Variants in ANKS1A observed in about 807,000 individuals in gnomAD.
ANKS1A encodes the protein ankyrin repeat and SAM domain-containing protein 1A.
In ANKS1A, 55 loss-of-function variants were observed where a neutral mutation model predicts 120.3. The observed-to-expected ratio is 0.46, with a 90% confidence interval of 0.37 to 0.57. The LOEUF (loss-of-function observed/expected upper bound fraction) is 0.57. Ranked by LOEUF, ANKS1A falls within the 20% of genes least tolerant of loss-of-function variation. The pLI is 0.00. For synonymous variants in ANKS1A, 590 were observed against 604.7 expected, an observed-to-expected ratio of 0.98 and a Z score of 0.36; for missense variants, 1,123 against 1,480.3, an observed-to-expected ratio of 0.76 and a Z score of 3.96.
the ANKS1A span, among the ~76,000 whole-genome samples, chr6:35,097,274 C>T: frequency 5.4e-4 from 82 of 152,214 alleles, no homozygotes; most frequent in African/African-American, 1.8e-3. Flanking sequence ...TTTGGGAGGC[C>T]GAGGCAGACA....
chr6:35,041,081 TG>T (rs1775432547), intron 11 of ANKS1A, among the ~76,000 whole-genome samples: 1 of 152,162 alleles, frequency 6.6e-6, no homozygotes, highest in African/African-American at 2.4e-5. Context: ...TAGCCAACAA[TG>T]GGGATGTTAT....
intron 1 of ANKS1A, among the ~76,000 whole-genome samples, chr6:34,933,462 C>T (rs1024793672): frequency 6.6e-5 from 10 of 152,206 alleles, no homozygotes; most frequent in Non-Finnish European, 2.9e-5. Flanking sequence ...CCACCGCCTC[C>T]TGGATTCAAG....
At chr6:35,013,803 T>C (rs763527237) in intron 10 of ANKS1A, among the ~76,000 whole-genome samples, 6 of 152,216 alleles carry the variant, frequency 3.9e-5, no homozygotes, top group Admixed American at 3.3e-4. Flanking sequence ...GTGCTTTATA[T>C]CTTACAGAGT....
intron 1 of ANKS1A, among the ~76,000 whole-genome samples, chr6:34,948,195 C>A (rs1229391925): frequency 6.6e-6 from 1 of 150,916 alleles, no homozygotes; most frequent in Non-Finnish European, 1.5e-5. Flanking sequence ...CTTTGTTCAG[C>A]CATTTTCAGT....
intron 11 of ANKS1A, chr6:35,039,718 G>A (rs1775361848): frequency 2.3e-6 from 1 of 430,770 alleles, no homozygotes; most frequent in South Asian, 1.6e-5. Context: ...TGTAGAGAAG[G>A]AAGGGTGAGA....
In ANKS1A at chr6:35,083,225, G is replaced by A; in HGVS notation, c.2906G>A (p.Arg969Gln). ...ACGCAAGACGCCTGTGCCAAGATGCGGGTAGGGTGCCTGTGTGGGCTGGAG... is the reference window on the plus strand; with the variant it reads ...ACGCAAGACGCCTGTGCCAAGATGCAGGTAGGGTGCCTGTGTGGGCTGGAG... The part of the protein sequence containing the change: ...ESTQDACAKM[R>Q]KSTEHMKKIP... Residue 969 changes from arginine (R) to glutamine (Q), a missense_variant and splice_region_variant, in exon 19 of 24, where the codon CGG becomes CAG. By Grantham distance (43) the Arg-to-Gln change is conservative. Around this residue, in one of 3 missense-constraint regions of ANKS1A, gnomAD observed 904 missense variants for 1,130.4 expected, o/e 0.80. Transcript: ENST00000360359. 5.0e-6 allele frequency: 8 copies of A among 1,614,106 alleles called. No individual in the cohort carries two copies. The highest frequency in any genetic ancestry group is 6.8e-6 in the Non-Finnish European group (8 of 1,180,024).
chr6:34,931,116 T>C (rs967225546), intron 1 of ANKS1A, among the ~76,000 whole-genome samples: 1 of 151,010 alleles, frequency 6.6e-6, no homozygotes, highest in Non-Finnish European at 1.5e-5. Flanking sequence ...CGACCTCAGG[T>C]GATCCGCCCG....
chr6:34,911,161 T>G (rs1369023709), intron 1 of ANKS1A, among the ~76,000 whole-genome samples: 1 of 152,192 alleles, frequency 6.6e-6, no homozygotes, highest in Non-Finnish European at 1.5e-5. Flanking sequence ...TTTATCATGG[T>G]GAAAGCTAAG....
rs772726171 is a variant in ANKS1A at position 35,081,084 on chromosome 6, G to C, written c.2635G>C (p.Asp879His). The change falls in exon 17 of 24, where the codon GAC (aspartate) becomes CAC (histidine). Residue 879 changes from aspartate to histidine, a missense_variant. Asp to His is a moderately conservative substitution (Grantham distance 81). This residue lies in a region of ANKS1A where 904 missense variants were observed against 1,130.4 expected (regional missense o/e 0.80). Transcript: ENST00000360359. ...GGCAGATCTGCTGCTGCCTCCAGGG[G>C]ACACAGGCAGGAGGCGCCATGACAG... ...RSADLLLPPG[D>H]TGRRRHDSLH... The C allele has an allele frequency of 1.2e-6, 2 of 1,613,870 alleles. No homozygotes were observed. Among genetic ancestry groups the C allele is most frequent in the Non-Finnish European group, 1.7e-6 (2 of 1,179,974 alleles).
Position 35,082,729 on chromosome 6 carries a change from G to A in ANKS1A, c.2748G>A (p.Pro916=), listed in dbSNP as rs2177382. Residue 916 remains proline (P), a synonymous_variant, in exon 18 of 24, where the codon CCG becomes CCA. Coordinates refer to ENST00000360359, the MANE Select transcript of ANKS1A (RefSeq NM_015245.3). The surrounding 1 kb of genome is among the most constrained non-coding windows in gnomAD (Gnocchi z 4.1). ...AGGCCAAGCTGACCCTGCGGCCCCC[G>A]AGCCTGGCAGCCCCCTACGCCCCAG... The part of the protein sequence containing the change: ...HREAKLTLRP[P]SLAAPYAPVQ... The A allele has an allele frequency of 0.84, 1,357,211 of 1,613,098 alleles. 572,578 individuals are homozygous for A. Among genetic ancestry groups the A allele is most frequent in the East Asian group, 0.92 (41,124 of 44,814 alleles).
chr6:34,906,398 C>G (rs16895362), intron 1 of ANKS1A, among the ~76,000 whole-genome samples: 2 of 152,100 alleles, frequency 1.3e-5, no homozygotes, highest in Non-Finnish European at 2.9e-5. Flanking sequence ...TCTCTCTGCT[C>G]GTGAAACTTT....
chr6:34,969,302 G>A (rs1771063082), intron 2 of ANKS1A, among the ~76,000 whole-genome samples: 1 of 152,122 alleles, frequency 6.6e-6, no homozygotes, highest in Non-Finnish European at 1.5e-5. Context: ...CACCCAGGCT[G>A]GAGTGCGATG....
intron 1 of ANKS1A, among the ~76,000 whole-genome samples, chr6:34,906,084 A>G (rs1245999803): frequency 1.3e-5 from 2 of 152,046 alleles, no homozygotes; most frequent in African/African-American, 4.8e-5. Context: ...CTCAACCACC[A>G]TCTAGCCGTA....
In ANKS1A at chr6:35,044,970, A is replaced by AGGCCCAGTGTAAGTAAGGCTGGCATC. The variant is rs1775647933; in HGVS notation, c.2011-9129_2011-9128insGGCCCAGTGTAAGTAAGGCTGGCATC. ...GTGTAAGTAAGGCTGGCATCTGGTC[A>AGGCCCAGTGTAAGTAAGGCTGGCATC]AGTTACAGAGGGAAACAGGCACAGT... On this transcript the variant is annotated intron_variant, in intron 11 of 23. Transcript: ENST00000360359. The surrounding 1 kb of genome is among the most constrained non-coding windows in gnomAD (Gnocchi z 4.4). Among the ~76,000 whole-genome samples, 1 of 152,204 alleles carries AGGCCCAGTGTAAGTAAGGCTGGCATC rather than the reference A, an allele frequency of 6.6e-6. No individual in the cohort carries two copies. Among genetic ancestry groups the AGGCCCAGTGTAAGTAAGGCTGGCATC allele is most frequent in the African/African-American group, 2.4e-5 (1 of 41,450 alleles).
At chr6:34,893,250 C>T (rs572895688) in intron 1 of ANKS1A, among the ~76,000 whole-genome samples, 2 of 152,310 alleles carry the variant, frequency 1.3e-5, no homozygotes, top group African/African-American at 2.4e-5. Context: ...TCAGCACATA[C>T]GGTTTTGCTG....
intron 1 of ANKS1A, among the ~76,000 whole-genome samples, chr6:34,943,232 G>A (rs1769620166): frequency 6.6e-6 from 1 of 152,170 alleles, no homozygotes; most frequent in Non-Finnish European, 1.5e-5. Flanking sequence ...TGGGATTACA[G>A]GTGTGAACCA....
intron 10 of ANKS1A, chr6:35,005,689 AT>A: frequency 2.3e-6 from 1 of 437,138 alleles, no homozygotes; most frequent in Non-Finnish European, 4.5e-6. Context: ...ATGAATTTGT[AT>A]TTTTTTAAAG....
At chr6:34,914,877 T>C (rs1309267187) in intron 1 of ANKS1A, among the ~76,000 whole-genome samples, 1 of 152,166 alleles carries the variant, frequency 6.6e-6, no homozygotes, top group Non-Finnish European at 1.5e-5. Flanking sequence ...TGTCTCTTCC[T>C]GGTGGTCTTA....
chr6:34,962,134 T>C (rs141376579), intron 1 of ANKS1A, among the ~76,000 whole-genome samples: 1 of 152,364 alleles, frequency 6.6e-6, no homozygotes, highest in East Asian at 1.9e-4. Flanking sequence ...CATAGTCATA[T>C]ACTTTTTGGT....
Sources: gnomAD v4.1 joint callset for allele counts (sites outside exome capture counted in the v4.1 genomes callset) on GRCh38, gnomAD v4.1.1 for gene constraint, gnomAD v4.1.1 regional missense constraint, Gnocchi (gnomAD v3.1) non-coding constraint, MANE v1.5 for transcripts, NCBI Gene and HGNC (gene_info 2026-07-23, HGNC 2026-07-21) for gene names.